UTP6: variants seen among roughly 807,000 people sequenced by gnomAD.
The protein encoded by UTP6 is U3 small nucleolar RNA-associated protein 6 homolog.
UTP6 carries 60 observed loss-of-function variants against 96.5 expected under a neutral mutation model. The observed-to-expected ratio is 0.62, with a 90% CI of 0.51 to 0.77. UTP6 has a LOEUF of 0.77. Among genes scored for constraint, UTP6 ranks in the 30% least tolerant of loss-of-function variants. The pLI is 0.00. For synonymous variants in UTP6, 215 were observed against 240.1 expected (o/e 0.90, Z 0.96); for missense variants, 637 against 706.5 (o/e 0.90, Z 1.12).
chr17:31,887,476 T>C, intron 7 of UTP6, 163 bp from the exon 8 acceptor site: 2 of 592,152 alleles, frequency 3.4e-6, no homozygotes, highest in Non-Finnish European at 6.0e-6. Flanking sequence ...GCTTCCTGAG[T>C]AGCTAGGATT....
At chr17:31,877,108 T>C (rs1910542972) in intron 13 of UTP6, among the ~76,000 whole-genome samples, 1 of 152,168 alleles carries the variant, frequency 6.6e-6, no homozygotes, top group Non-Finnish European at 1.5e-5. Context: ...GAGTTGGACA[T>C]AACATAAACT....
In UTP6 at chr17:31,884,435, C is replaced by T; in HGVS notation, c.774G>A (p.Glu258=). The change falls in exon 10 of 19, where the codon GAG becomes GAA. Residue 258 remains glutamate, a synonymous_variant. Coordinates refer to ENST00000261708, the MANE Select transcript of UTP6 (RefSeq NM_018428.3). ...CTAACTTTACTTACTCATCATAAAT[C>T]TCTTTTTGTAGATCTTTGGCAAAGT... ...LFDFAKDLQK[E]IYDDLQALHT... 1 of 1,610,316 alleles carries T rather than the reference C, an allele frequency of 6.2e-7. No homozygotes were observed. The highest frequency in any genetic ancestry group is 1.1e-5 in the South Asian group (1 of 90,158).
At chr17:31,885,747 C>T (rs551321435) in intron 9 of UTP6, among the ~76,000 whole-genome samples, 8 of 152,100 alleles carry the variant, frequency 5.3e-5, no homozygotes, top group Admixed American at 3.3e-4. Flanking sequence ...GAGATCACGC[C>T]AATGCACTCC....
At position 31,895,497 on chromosome 17, in the gene UTP6, A is replaced by G. The variant is rs527682054; in HGVS notation, c.178-486T>C. On this transcript the variant is annotated intron_variant, in intron 2 of 18. Coordinates refer to ENST00000261708, the MANE Select transcript of UTP6 (RefSeq NM_018428.3). ...TGTCTTGAATGCCTTTAAATTTTACATAAATGGTATCATGCTACATCCATC... is the reference window on the plus strand; with the variant it reads ...TGTCTTGAATGCCTTTAAATTTTACGTAAATGGTATCATGCTACATCCATC... Among the ~76,000 whole-genome samples the G allele has an allele frequency of 8.5e-5, 13 of 152,254 alleles. No individual in the cohort carries two copies. In the South Asian group the frequency reaches 2.5e-3, roughly 29 times the overall value.
At chr17:31,878,035 T>C (rs1443748566) in intron 13 of UTP6, among the ~76,000 whole-genome samples, 1 of 151,456 alleles carries the variant, frequency 6.6e-6, no homozygotes, top group African/African-American at 2.4e-5. Flanking sequence ...TTGTTCTAAG[T>C]GCTTTTCACT....
In UTP6 at chr17:31,892,367, A is replaced by G. The variant is rs575817952; in HGVS notation, c.361-44T>C. The G allele has an allele frequency of 4.8e-5, 76 of 1,569,666 alleles. 1 individual carries two copies. In the South Asian group the frequency reaches 7.8e-4, roughly 16 times the overall value. On this transcript the variant is annotated intron_variant, in intron 5 of 18. Coordinates refer to ENST00000261708, the MANE Select transcript of UTP6 (RefSeq NM_018428.3). ...TTTCTACTTCCTGCACAGATAAATC[A>G]TTGATCTTACTCTCTAAGTAATATG...
chr17:31,873,318 G>T, intron 16 of UTP6, 60 bp downstream of exon 16: 10 of 1,475,340 alleles, frequency 6.8e-6, no homozygotes, highest in South Asian at 1.2e-5. Context: ...AATAATCTGG[G>T]TATGAGCGGC....
chr17:31,861,355 T>C lies in UTP6; in HGVS notation c.*2004A>G, dbSNP rs535755363. The C allele has an allele frequency of 4.6e-5, 7 of 152,316 alleles. No individual in the cohort carries two copies. Among genetic ancestry groups the C allele is most frequent in the African/African-American group, 1.7e-4 (7 of 41,582 alleles). The allele number at this position is 152,316 out of a possible 1,614,324, so 9.4% of individuals were successfully genotyped here. A position where few individuals can be genotyped will look rare whatever the true frequency, so the allele number is the denominator to read the frequency against. On this transcript the variant is annotated 3_prime_UTR_variant, in exon 19 of 19. Transcript: ENST00000261708. Reference sequence around the variant, plus strand: ...CTGGCCAGGCACAATGGCTCATGCCTATAATACCAGCACTTTGGGAGGTTG... The same window carrying C: ...CTGGCCAGGCACAATGGCTCATGCCCATAATACCAGCACTTTGGGAGGTTG...
chr17:31,888,530 G>A (rs987593966), intron 7 of UTP6, among the ~76,000 whole-genome samples: 1 of 152,060 alleles, frequency 6.6e-6, no homozygotes, highest in African/African-American at 2.4e-5. Context: ...CCAACAGGGC[G>A]AAACTCCATC....
chr17:31,884,578 T>C, intron 9 of UTP6, 73 bp from the exon 10 acceptor site: 3 of 1,162,514 alleles, frequency 2.6e-6, no homozygotes, highest in Non-Finnish European at 3.7e-6. Flanking sequence ...TAGCATTCTT[T>C]TCATGTACTG....
rs1421249928 is a variant in UTP6, at chr17:31,878,704, T to G, written c.1045A>C (p.Lys349Gln). 6.2e-7 allele frequency: 1 copy of G among 1,613,844 alleles called. No individual in the cohort carries two copies. Among genetic ancestry groups the G allele is most frequent in the East Asian group, 2.2e-5 (1 of 44,884 alleles). The change falls in exon 12 of 19, where the codon AAG becomes CAG. Residue 349 changes from lysine to glutamine, a missense_variant and splice_region_variant. By Grantham distance (53) the Lys-to-Gln change is moderately conservative. Coordinates refer to ENST00000261708, the MANE Select transcript of UTP6 (RefSeq NM_018428.3). ...CTGTAACCATGTAACAACCTCACCT[T>G]CCCTCTAAGGAACCCACTATTTGAC... ...KKSNSGFLRGKRLERTMTVFR... is the reference protein window; with the variant it reads ...KKSNSGFLRGQRLERTMTVFR...
At chr17:31,892,857 A>T in intron 4 of UTP6, 63 bp from the exon 5 acceptor site, 2 of 1,596,612 alleles carry the variant, frequency 1.3e-6, no homozygotes, top group Non-Finnish European at 1.7e-6. Flanking sequence ...ACACCTTTGC[A>T]TTAATTAATT....
At chr17:31,897,778 T>C (rs1048694421) in intron 2 of UTP6, among the ~76,000 whole-genome samples, 2 of 152,106 alleles carry the variant, frequency 1.3e-5, no homozygotes, top group African/African-American at 4.8e-5. Context: ...CATGTGATCT[T>C]GTTATTGGTT....
chr17:31,880,452 A>C (rs915565904), intron 11 of UTP6, 121 bp downstream of exon 11: 2 of 1,250,908 alleles, frequency 1.6e-6, no homozygotes, highest in Non-Finnish European at 2.2e-6. Context: ...GGCCAGGCTC[A>C]TCGTAAACTA....
chr17:31,874,566 A>G (rs933058162), intron 14 of UTP6, among the ~76,000 whole-genome samples: 2 of 151,842 alleles, frequency 1.3e-5, no homozygotes, highest in Admixed American at 6.6e-5. Flanking sequence ...AAAAACCACC[A>G]AATGAGCAGT....
chr17:31,884,212 G>A (rs1460212069), intron 10 of UTP6, among the ~76,000 whole-genome samples: 22 of 151,844 alleles, frequency 1.4e-4, no homozygotes, highest in Admixed American at 1.4e-3. Flanking sequence ...TGGTCAAGCT[G>A]GTCTCAAACT....
At chr17:31,877,701 C>A (rs530923560) in intron 13 of UTP6, among the ~76,000 whole-genome samples, 1 of 152,050 alleles carries the variant, frequency 6.6e-6, no homozygotes, top group African/African-American at 2.4e-5. Context: ...GGCATGATGG[C>A]TCATGCCTTA....
intron 17 of UTP6, among the ~76,000 whole-genome samples, chr17:31,866,114 C>T (rs1473504075): frequency 2.0e-5 from 3 of 151,486 alleles, no homozygotes; most frequent in African/African-American, 4.9e-5. Flanking sequence ...AGTGAAACCC[C>T]GTCTCTACTG....
intron 6 of UTP6, among the ~76,000 whole-genome samples, chr17:31,890,115 G>A (rs1911402903): frequency 6.6e-6 from 1 of 151,838 alleles, no homozygotes; most frequent in Non-Finnish European, 1.5e-5. Context: ...TCCCACCTTA[G>A]CCCCTCAAGT....
Sources: allele counts gnomAD v4.1 joint callset (sites outside exome capture counted in the v4.1 genomes callset), GRCh38; gene constraint gnomAD v4.1.1; transcripts MANE v1.5; gene names NCBI Gene and HGNC (gene_info 2026-07-23, HGNC 2026-07-21).